The following PRUNE2 variants were observed in gnomAD, a reference collection of about 807,000 sequenced individuals.
The protein encoded by PRUNE2 is protein prune homolog 2.
In PRUNE2, 164 loss-of-function variants were observed where a neutral mutation model predicts 252.0. The ratio of observed to expected loss-of-function variants is 0.65; its 90% CI spans 0.57 to 0.74. The LOEUF (loss-of-function observed/expected upper bound fraction) is 0.74. PRUNE2 is among the 30% of genes least tolerant of loss of function. PRUNE2 has a pLI of 0.00. For missense variants in PRUNE2, 3,495 were observed against 3,711.0 expected, an observed-to-expected ratio of 0.94 and a Z score of 1.51; for synonymous variants, 1,292 against 1,350.2, an observed-to-expected ratio of 0.96 and a Z score of 0.94.
intron 18 of PRUNE2, 71 bp from the exon 19 acceptor site, chr9:76,614,671 GCA>G: frequency 8.4e-7 from 1 of 1,185,602 alleles, no homozygotes; most frequent in Admixed American, 1.9e-5. Context: ...GATTTGGGTA[GCA>G]CTGTGTTTGC....
At chr9:76,878,865 C>G (rs1241594860) in intron 1 of PRUNE2, among the ~76,000 whole-genome samples, 1 of 152,192 alleles carries the variant, frequency 6.6e-6, no homozygotes, top group Non-Finnish European at 1.5e-5. Context: ...CTAGTCCTTT[C>G]CATCACCAAA....
intron 6 of PRUNE2, among the ~76,000 whole-genome samples, chr9:76,724,303 CAAAAAAAAAAAA>C (rs796291956): frequency 8.6e-5 from 6 of 69,418 alleles, no homozygotes; most frequent in South Asian, 1.2e-3. Flanking sequence ...GATAGAAATA[CAAAAAAAAAAAA>C]AAAAAAAAAA....
At chr9:76,769,852 T>C (rs928296754) in intron 6 of PRUNE2, among the ~76,000 whole-genome samples, 2 of 152,190 alleles carry the variant, frequency 1.3e-5, no homozygotes, top group Admixed American at 6.5e-5. Flanking sequence ...GCGGTAGCAA[T>C]TAAAATTACC....
intron 9 of PRUNE2, among the ~76,000 whole-genome samples, chr9:76,690,783 G>A (rs1207773181): frequency 6.6e-6 from 1 of 152,164 alleles, no homozygotes; most frequent in African/African-American, 2.4e-5. Flanking sequence ...GGATGTTTAG[G>A]TGCTGCTGAC....
chr9:76,799,873 G>C (rs2056421091), intron 6 of PRUNE2, among the ~76,000 whole-genome samples: 1 of 152,140 alleles, frequency 6.6e-6, no homozygotes, highest in South Asian at 2.1e-4. Flanking sequence ...AGAGTTTAGT[G>C]ACCACAGAAG....
intron 6 of PRUNE2, among the ~76,000 whole-genome samples, chr9:76,770,211 A>G: frequency 6.6e-6 from 1 of 152,096 alleles, no homozygotes; most frequent in East Asian, 1.9e-4. Context: ...TTTGAAGATT[A>G]TTTTTACCCT....
In PRUNE2 at chr9:76,758,213, G is replaced by A. The variant is rs11145048; in HGVS notation, c.757-44492C>T. ...TATTTCTATATCTGACAGTATTAAC[G>A]CATAAAACTGCACTGAGGCTTTTGG... On this transcript the variant is annotated intron_variant, in intron 6 of 18. Coordinates refer to ENST00000376718, the MANE Select transcript of PRUNE2 (RefSeq NM_015225.3). 6.7e-4 allele frequency among the ~76,000 whole-genome samples: 102 copies of A among 152,244 alleles called. No homozygotes were observed. In the East Asian group the frequency reaches 0.012, roughly 17 times the overall value.
At chr9:76,782,536 GT>G (rs1564292711) in intron 6 of PRUNE2, 1 of 152,174 alleles carries the variant, frequency 6.6e-6, no homozygotes, top group Non-Finnish European at 1.5e-5. Flanking sequence ...AATTAAATGA[GT>G]TAATTTTTGT....
At chr9:76,747,797 CTTT>C (rs553598262) in intron 6 of PRUNE2, among the ~76,000 whole-genome samples, 7 of 141,416 alleles carry the variant, frequency 4.9e-5, no homozygotes, top group Admixed American at 7.1e-5. Flanking sequence ...TTCTCCACTT[CTTT>C]TTTTTTTTTT....
intron 6 of PRUNE2, among the ~76,000 whole-genome samples, chr9:76,776,851 A>G (rs2053828128): frequency 6.7e-6 from 1 of 148,470 alleles, no homozygotes. Flanking sequence ...TTGAAGATAC[A>G]TGAAGCTTTC....
intron 6 of PRUNE2, among the ~76,000 whole-genome samples, chr9:76,813,569 A>C (rs2057495743): frequency 6.6e-6 from 1 of 152,244 alleles, no homozygotes; most frequent in Non-Finnish European, 1.5e-5. Context: ...GAAGTCACTT[A>C]TATTGTTGAC....
chr9:76,807,068 C>T (rs930982107), intron 6 of PRUNE2, among the ~76,000 whole-genome samples: 8 of 139,446 alleles, frequency 5.7e-5, no homozygotes, highest in African/African-American at 2.2e-4. Context: ...GCGCGTGTGT[C>T]TGTCTCTCTC....
intron 9 of PRUNE2, among the ~76,000 whole-genome samples, chr9:76,664,887 G>A (rs903605862): frequency 4.6e-5 from 7 of 152,114 alleles, no homozygotes; most frequent in African/African-American, 1.7e-4. Flanking sequence ...TATCACCTGG[G>A]CACTCAAGCT....
chr9:76,655,393 A>G (rs1258557483), intron 10 of PRUNE2, 30 bp downstream of exon 10: 9 of 1,524,694 alleles, frequency 5.9e-6, no homozygotes, highest in Non-Finnish European at 7.2e-6. Context: ...CAGAATACCA[A>G]CGAAGGAAAT....
At chr9:76,656,761 T>C (rs1196268845) in intron 9 of PRUNE2, among the ~76,000 whole-genome samples, 1 of 152,086 alleles carries the variant, frequency 6.6e-6, no homozygotes, top group Non-Finnish European at 1.5e-5. Context: ...CTCCCCTGGA[T>C]AGAGGTAAGT....
In PRUNE2 at chr9:76,709,620, T is replaced by C. The variant is rs12351796; in HGVS notation, c.2654A>G (p.Asp885Gly). The change falls in exon 8 of 19, where the codon GAT becomes GGT. Residue 885 changes from aspartate to glycine, a missense_variant. Transcript: ENST00000376718. ...HIFAPGNPSS[D>G]LDHTWTNSKP... ...AGAATTAGTCCATGTGTGATCCAGA[T>C]CAGAACTGGGATTTCCAGGTGCAAA... is the stretch of plus-strand genomic sequence containing the variant. The C allele has an allele frequency of 1.5e-4, 240 of 1,614,014 alleles. No individual in the cohort carries two copies. In the African/African-American group the frequency reaches 3.0e-3, roughly 20 times the overall value.
chr9:76,836,640 T>G (rs1448568252), intron 4 of PRUNE2, among the ~76,000 whole-genome samples: 2 of 152,154 alleles, frequency 1.3e-5, no homozygotes, highest in Non-Finnish European at 2.9e-5. Context: ...TTCCTGAAAT[T>G]TCTAAGTTTG....
Position 76,613,048 on chromosome 9 carries a change from CTTCTAAGAA to C in PRUNE2, c.*1513_*1521del. On this transcript the variant is annotated 3_prime_UTR_variant, in exon 19 of 19. Transcript: ENST00000376718. Reference sequence around the variant, plus strand: ...AACACCTGTATATACTAAAGAAGTGCTTCTAAGAAGGCTTCATTTTGGCAATTGCAACCT... The same window carrying C: ...AACACCTGTATATACTAAAGAAGTGCGGCTTCATTTTGGCAATTGCAACCT... 6.6e-6 allele frequency: 1 copy of C among 152,302 alleles called. No individual in the cohort carries two copies. The highest frequency in any genetic ancestry group is 2.4e-5 in the African/African-American group (1 of 41,560). 9.4% of individuals were successfully genotyped at this position (152,302 alleles called of 1,614,324 possible). A position where few individuals can be genotyped will look rare whatever the true frequency, so the allele number is the denominator to read the frequency against.
intron 6 of PRUNE2, among the ~76,000 whole-genome samples, chr9:76,774,462 T>TATTTATTTATTTATTTATTTATTTA (rs1554761662): frequency 5.9e-4 from 62 of 104,318 alleles, no homozygotes; most frequent in Admixed American, 1.7e-3. Context: ...TTTTTTTTTT[T>TATTTATTTATTTATTTATTTATTTA]TTTTTTTTTT....
Sources: allele counts gnomAD v4.1 joint callset (sites outside exome capture counted in the v4.1 genomes callset), GRCh38; gene constraint gnomAD v4.1.1; transcripts MANE v1.5; gene names NCBI Gene and HGNC (gene_info 2026-07-23, HGNC 2026-07-21).